Variants in ANKFN1 observed in about 807,000 individuals in gnomAD.
ANKFN1 encodes the protein ankyrin repeat and fibronectin type III domain containing 1.
In ANKFN1, 74 loss-of-function variants were observed where a neutral mutation model predicts 108.7. The ratio of observed to expected loss-of-function variants is 0.68; its 90% CI spans 0.56 to 0.83. ANKFN1 has a LOEUF of 0.83. Ranked by LOEUF, ANKFN1 falls within the 40% of genes least tolerant of loss-of-function variation. The pLI, the probability that ANKFN1 is intolerant of heterozygous loss-of-function variation, is 0.00. For missense variants in ANKFN1, 1,505 were observed against 1,382.3 expected (o/e 1.09, Z -1.41); for synonymous variants, 547 against 516.2 (o/e 1.06, Z -0.81).
At chr17:56,402,027 A>G (rs965595447) in intron 8 of ANKFN1, among the ~76,000 whole-genome samples, 1 of 152,184 alleles carries the variant, frequency 6.6e-6, no homozygotes, top group African/African-American at 2.4e-5. Context: ...CCATCTCTGC[A>G]TCCCTGGTGT....
At chr17:56,059,791 T>C (rs1904941967) in intron 4 of ANKFN1, among the ~76,000 whole-genome samples, 1 of 152,214 alleles carries the variant, frequency 6.6e-6, no homozygotes, top group Non-Finnish European at 1.5e-5. Context: ...GTTCTATATG[T>C]CTATTTTGGT....
intron 4 of ANKFN1, among the ~76,000 whole-genome samples, chr17:56,333,014 A>G (rs2045707983): frequency 6.8e-6 from 1 of 146,890 alleles, no homozygotes; most frequent in Non-Finnish European, 1.5e-5. Flanking sequence ...CTTTAATTTC[A>G]TTATTTAATA....
chr17:56,274,408 G>A (rs2043866851), intron 3 of ANKFN1, among the ~76,000 whole-genome samples: 1 of 152,174 alleles, frequency 6.6e-6, no homozygotes, highest in African/African-American at 2.4e-5. Flanking sequence ...GGGAGGCGGA[G>A]CTTGCAGTGA....
At chr17:56,128,661 G>C (rs1309406694) in intron 4 of ANKFN1, among the ~76,000 whole-genome samples, 1 of 152,188 alleles carries the variant, frequency 6.6e-6, no homozygotes, top group African/African-American at 2.4e-5. Flanking sequence ...CACTGGGGCA[G>C]TATTTCCCAA....
chr17:56,191,887 A>T (rs1440058182), intron 1 of ANKFN1, among the ~76,000 whole-genome samples: 1 of 150,160 alleles, frequency 6.7e-6, no homozygotes, highest in Non-Finnish European at 1.5e-5. Flanking sequence ...ACATAGTCCC[A>T]TATTTCTTGG....
At chr17:56,104,744 T>C (rs1301206117) in intron 4 of ANKFN1, among the ~76,000 whole-genome samples, 1 of 152,204 alleles carries the variant, frequency 6.6e-6, no homozygotes, top group Non-Finnish European at 1.5e-5. Flanking sequence ...TGCTCCCTGG[T>C]ATTAATTGTT....
chr17:56,177,172 G>A (rs1226694071), intron 1 of ANKFN1, among the ~76,000 whole-genome samples: 3 of 152,148 alleles, frequency 2.0e-5, no homozygotes, highest in Admixed American at 1.3e-4. Flanking sequence ...TAGCCACCAC[G>A]GATTCTGTTC....
intron 8 of ANKFN1, among the ~76,000 whole-genome samples, chr17:56,381,215 G>T (rs2047093447): frequency 6.6e-6 from 1 of 152,208 alleles, no homozygotes; most frequent in Admixed American, 6.5e-5. Context: ...CAACAGACCT[G>T]CAGCTGAGGG....
chr17:56,085,706 A>G (rs1002032310), intron 4 of ANKFN1, among the ~76,000 whole-genome samples: 5 of 151,274 alleles, frequency 3.3e-5, no homozygotes, highest in African/African-American at 1.2e-4. Context: ...TGAAGCAGCA[A>G]CACCATTTGG....
chr17:56,439,848 G>T (rs1340828253), intron 8 of ANKFN1, among the ~76,000 whole-genome samples: 1 of 152,082 alleles, frequency 6.6e-6, no homozygotes, highest in Non-Finnish European at 1.5e-5. Flanking sequence ...GGATCCTTTG[G>T]TTCTCAAATG....
intron 20 of ANKFN1, among the ~76,000 whole-genome samples, chr17:56,506,901 T>G (rs919184933): frequency 1.3e-5 from 2 of 152,170 alleles, no homozygotes; most frequent in Non-Finnish European, 2.9e-5. Flanking sequence ...AAGCCTAAGC[T>G]TCAGTATTCT....
At chr17:56,500,790 G>A (rs1266522840) in intron 20 of ANKFN1, among the ~76,000 whole-genome samples, 1 of 152,156 alleles carries the variant, frequency 6.6e-6, no homozygotes, top group Non-Finnish European at 1.5e-5. Flanking sequence ...TATATTTACT[G>A]GCCACCCTCT....
chr17:56,307,825 A>C (rs2144412582), intron 3 of ANKFN1, among the ~76,000 whole-genome samples: 1 of 152,292 alleles, frequency 6.6e-6, no homozygotes, highest in South Asian at 2.1e-4. Flanking sequence ...CTTGGAACCA[A>C]CCCAAATGTC....
At chr17:56,246,619 A>G (rs2144032748) in intron 3 of ANKFN1, among the ~76,000 whole-genome samples, 1 of 152,236 alleles carries the variant, frequency 6.6e-6, no homozygotes, top group South Asian at 2.1e-4. Context: ...TAAATGTTAT[A>G]ATTTTTATTA....
chr17:56,139,761 C>T (rs1040132704), intron 4 of ANKFN1, among the ~76,000 whole-genome samples: 7 of 152,150 alleles, frequency 4.6e-5, no homozygotes, highest in South Asian at 2.1e-4. Context: ...TCCTATTCTC[C>T]GTAGCCTCAT....
chr17:56,079,958 T>C (rs1055637628), intron 4 of ANKFN1, among the ~76,000 whole-genome samples: 1 of 152,094 alleles, frequency 6.6e-6, no homozygotes. Flanking sequence ...GTCAACAAAG[T>C]AACTCAGAGG....
chr17:56,478,665 T>C (rs2050592202), intron 16 of ANKFN1, among the ~76,000 whole-genome samples: 1 of 150,344 alleles, frequency 6.7e-6, no homozygotes, highest in African/African-American at 2.5e-5. Flanking sequence ...AACTGAATTG[T>C]GCTCAACATA....
At chr17:56,318,881 TAA>T (rs74897434) in intron 3 of ANKFN1, among the ~76,000 whole-genome samples, 10,715 of 152,234 alleles carry the variant, frequency 0.07, 529 homozygotes, top group East Asian at 0.15. Context: ...GAAGATAGCA[TAA>T]AGATAGGTCA....
At chr17:56,098,642 G>C (rs879695354) in intron 4 of ANKFN1, among the ~76,000 whole-genome samples, 8 of 152,146 alleles carry the variant, frequency 5.3e-5, no homozygotes, top group Non-Finnish European at 1.0e-4. Context: ...TTGGATCAAA[G>C]TGAAAGCTCT....
Sources: allele counts gnomAD v4.1 joint callset (sites outside exome capture counted in the v4.1 genomes callset), GRCh38; gene constraint gnomAD v4.1.1; transcripts MANE v1.5; gene names NCBI Gene and HGNC (gene_info 2026-07-23, HGNC 2026-07-21).